OSBPL10: variants seen among roughly 807,000 people sequenced by gnomAD.
The protein encoded by OSBPL10 is oxysterol binding protein like 10.
In OSBPL10, 49 loss-of-function variants were observed where a neutral mutation model predicts 81.7. That is an observed-to-expected ratio of 0.60 (90% CI 0.48 to 0.76). The LOEUF (loss-of-function observed/expected upper bound fraction) is 0.76, where lower values mean the gene tolerates loss of function less well. OSBPL10 is among the 30% of genes least tolerant of loss of function. OSBPL10 has a pLI of 0.00. For synonymous variants in OSBPL10, 419 were observed against 383.6 expected (o/e 1.09, Z -1.08); for missense variants, 923 against 987.8 (o/e 0.93, Z 0.88).
At chr3:32,006,197 C>T (rs1396299040) in intron 2 of OSBPL10, among the ~76,000 whole-genome samples, 3 of 151,892 alleles carry the variant, frequency 2.0e-5, no homozygotes, top group East Asian at 1.9e-4. Context: ...CCCTCTGCCT[C>T]GGCCTCTCAA....
chr3:32,026,041 T>G (rs1699404374), intron 2 of OSBPL10, among the ~76,000 whole-genome samples: 2 of 121,932 alleles, frequency 1.6e-5, no homozygotes, highest in Non-Finnish European at 3.4e-5. Context: ...GATAGATAGA[T>G]AGATAGATAG....
Position 31,777,006 on chromosome 3 carries a change from T to C in OSBPL10, c.730-28886A>G, listed in dbSNP as rs184341875. On this transcript the variant is annotated intron_variant, in intron 4 of 11. Transcript: ENST00000396556. The stretch of plus-strand genomic sequence containing the variant: ...AAGAGAAAAAAAAATCAAGAAATTC[T>C]TTACCCATCTCAAGATCAGACAACC... 2.2e-4 allele frequency among the ~76,000 whole-genome samples: 33 copies of C among 152,336 alleles called. No homozygotes were observed. In the East Asian group the frequency reaches 5.4e-3, roughly 25 times the overall value.
intron 3 of OSBPL10, among the ~76,000 whole-genome samples, chr3:31,836,789 C>A (rs894804006): frequency 6.6e-6 from 1 of 152,190 alleles, no homozygotes; most frequent in South Asian, 2.1e-4. Flanking sequence ...TCCATCCACA[C>A]CATTTGCTTG....
chr3:32,065,664 T>C (rs1236003293), intron 1 of OSBPL10, among the ~76,000 whole-genome samples: 1 of 90,860 alleles, frequency 1.1e-5, no homozygotes, highest in Non-Finnish European at 2.9e-5. Flanking sequence ...GGTGGATCAC[T>C]TGAGGCCCAG....
intron 1 of OSBPL10, among the ~76,000 whole-genome samples, chr3:31,914,017 G>A (rs1696673279): frequency 6.6e-6 from 1 of 152,072 alleles, no homozygotes; most frequent in Non-Finnish European, 1.5e-5. Context: ...CTGCCTCCTG[G>A]GTTCAAGTGA....
At chr3:31,737,356 A>C (rs192253846) in intron 5 of OSBPL10, among the ~76,000 whole-genome samples, 3 of 152,310 alleles carry the variant, frequency 2.0e-5, no homozygotes, top group African/African-American at 7.2e-5. Context: ...TATTCTCAAG[A>C]AGGCTAAGAG....
chr3:31,989,766 T>C (rs769957770), intron 2 of OSBPL10: 3 of 1,614,216 alleles, frequency 1.9e-6, no homozygotes, highest in Non-Finnish European at 2.5e-6. Flanking sequence ...GAGAAAAATC[T>C]TTCCAATGTA....
At chr3:32,019,171 C>G (rs1699340585) in intron 2 of OSBPL10, among the ~76,000 whole-genome samples, 3 of 152,158 alleles carry the variant, frequency 2.0e-5, no homozygotes, top group Admixed American at 2.0e-4. Flanking sequence ...ACAATTGGAG[C>G]TCTCCAAAAT....
intron 2 of OSBPL10, among the ~76,000 whole-genome samples, chr3:31,987,703 G>A (rs912609986): frequency 6.6e-5 from 10 of 152,202 alleles, no homozygotes; most frequent in African/African-American, 9.7e-5. Flanking sequence ...AGAGGAAGCC[G>A]GAAGGACCTC....
chr3:31,978,383 T>C (rs1698741756), intron 1 of OSBPL10, among the ~76,000 whole-genome samples: 2 of 152,158 alleles, frequency 1.3e-5, no homozygotes, highest in South Asian at 2.1e-4. Flanking sequence ...TCCTGCCACA[T>C]AGTAGGTGCT....
chr3:31,941,799 A>C (rs1236028942), intron 1 of OSBPL10, among the ~76,000 whole-genome samples: 2 of 152,268 alleles, frequency 1.3e-5, no homozygotes, highest in African/African-American at 4.8e-5. Flanking sequence ...AGAGAATATA[A>C]GTAAAGATCT....
chr3:32,066,153 AAAGGAAGAAAGGAAGG>A lies in OSBPL10; in HGVS notation n.185+11227_185+11242del, dbSNP rs1329929693. On this transcript the variant is annotated intron_variant and non_coding_transcript_variant, in intron 1 of 3. Transcript: ENST00000479173. Reference sequence around the variant, plus strand: ...AGAGAGAGAAAGGGAAGAAAGGAAGAAAGGAAGAAAGGAAGGAAGGAAGGAAGGAAGGAAGGAAGGA... The same window carrying A: ...AGAGAGAGAAAGGGAAGAAAGGAAGAAAGGAAGGAAGGAAGGAAGGAAGGA... Among the ~76,000 whole-genome samples the A allele has an allele frequency of 5.7e-4, 30 of 53,052 alleles. 2 individuals carry two copies. The highest frequency in any genetic ancestry group is 1.2e-3 in the African/African-American group (25 of 21,476). The allele number at this position is 53,052 out of a possible 152,430, so 34.8% of individuals were successfully genotyped here.
Position 31,683,917 on chromosome 3 carries a change from G to T in OSBPL10, c.1443C>A (p.Pro481=). 1 of 1,614,236 alleles carries T rather than the reference G, an allele frequency of 6.2e-7. No homozygotes were observed. The highest frequency in any genetic ancestry group is 8.5e-7 in the Non-Finnish European group (1 of 1,180,050). ...KGALAKKPYN[P]IIGETFHCSW... ...AGCAGTGAAATGTCTCGCCTATGAT[G>T]GGGTTGTAGGGCTTCTTGGCTAAAG... The change falls in exon 8 of 12, where the codon CCC becomes CCA. Residue 481 remains proline, a synonymous_variant. Coordinates refer to ENST00000396556, the MANE Select transcript of OSBPL10 (RefSeq NM_017784.5).
intron 2 of OSBPL10, among the ~76,000 whole-genome samples, chr3:32,031,182 A>G (rs543998410): frequency 1.2e-4 from 18 of 152,188 alleles, no homozygotes; most frequent in African/African-American, 3.6e-4. Flanking sequence ...AAGAAAAGAA[A>G]AAGAAAAAAG....
chr3:31,692,729 G>A (rs1173955728), intron 7 of OSBPL10, among the ~76,000 whole-genome samples: 5 of 152,226 alleles, frequency 3.3e-5, no homozygotes, highest in Non-Finnish European at 7.3e-5. Context: ...ATGTCTGTAA[G>A]CAGGTACAAC....
intron 1 of OSBPL10, 23 bp from the exon 2 acceptor site, chr3:31,879,853 A>G: frequency 6.2e-7 from 1 of 1,606,880 alleles, no homozygotes; most frequent in South Asian, 1.1e-5. Context: ...ACCACAGTAC[A>G]TCATTTTTCT....
chr3:31,812,562 T>G (rs967723713), intron 4 of OSBPL10, among the ~76,000 whole-genome samples: 1 of 152,090 alleles, frequency 6.6e-6, no homozygotes, highest in Non-Finnish European at 1.5e-5. Flanking sequence ...CTGTGATTTA[T>G]GAACCCAAAT....
At chr3:31,989,643 A>T (rs6419811) in intron 2 of OSBPL10, 1 of 1,613,950 alleles carries the variant, frequency 6.2e-7, no homozygotes. Context: ...ATGCTTCCTC[A>T]GTTCTAACGT....
chr3:31,822,352 C>T (rs1176361813), intron 4 of OSBPL10: 1 of 152,192 alleles, frequency 6.6e-6, no homozygotes, highest in Admixed American at 6.5e-5. Flanking sequence ...GCTTCACACA[C>T]ACCCAATATT....
Sources: allele counts gnomAD v4.1 joint callset (sites outside exome capture counted in the v4.1 genomes callset), GRCh38; gene constraint gnomAD v4.1.1; transcripts MANE v1.5; gene names NCBI Gene and HGNC (gene_info 2026-07-23, HGNC 2026-07-21).